Variants in CHL1 observed in about 807,000 individuals in gnomAD.
The protein encoded by CHL1 is cell adhesion molecule L1 like, also known as neural cell adhesion molecule L1-like protein.
A neutral mutation model predicts 141.9 loss-of-function variants in CHL1; 96 were observed. The ratio of observed to expected loss-of-function variants is 0.68; its 90% confidence interval spans 0.57 to 0.80. CHL1 has a LOEUF of 0.80. Among genes scored for constraint, CHL1 ranks in the 30% least tolerant of loss-of-function variants. CHL1 has a pLI of 0.00. For missense variants in CHL1, 1,820 were observed against 1,457.2 expected, an observed-to-expected ratio of 1.25 and a Z score of -4.05; for synonymous variants, 613 against 502.2, an observed-to-expected ratio of 1.22 and a Z score of -2.95.
intron 2 of CHL1, among the ~76,000 whole-genome samples, chr3:316,205 G>T (rs1046498209): frequency 1.3e-5 from 2 of 152,008 alleles, no homozygotes; most frequent in Admixed American, 1.3e-4. Context: ...AACTGCCAGG[G>T]TCTATGTCTG....
chr3:367,074 A>G (rs1400652025), intron 15 of CHL1, among the ~76,000 whole-genome samples: 1 of 152,280 alleles, frequency 6.6e-6, no homozygotes, highest in Non-Finnish European at 1.5e-5. Flanking sequence ...GAGAACATAT[A>G]GAGGAAAGTG....
intron 11 of CHL1, among the ~76,000 whole-genome samples, chr3:358,506 A>G (rs1703918716): frequency 2.0e-5 from 3 of 152,176 alleles, no homozygotes; most frequent in African/African-American, 7.2e-5. Context: ...TGGGACTTAG[A>G]ACGTGTACAT....
chr3:242,575 A>ACG (rs1574835532), intron 1 of CHL1, among the ~76,000 whole-genome samples: 2 of 151,182 alleles, frequency 1.3e-5, no homozygotes, highest in East Asian at 1.9e-4. Flanking sequence ...CAGCCTGGGT[A>ACG]ACAGAGTGGG....
chr3:377,876 A>G lies in CHL1; in HGVS notation c.1810A>G (p.Ile604Val), dbSNP rs767070096. ...ISNVTLEDQG[I>V]YCCSAHTALD... Reference sequence around the variant, plus strand: ...TAATGTAACTTTAGAGGACCAAGGTATTTACTGCTGTTCAGCTCATACTGC... The same window carrying G: ...TAATGTAACTTTAGAGGACCAAGGTGTTTACTGCTGTTCAGCTCATACTGC... Residue 604 changes from isoleucine to valine, a missense_variant, in exon 16 of 28, where the codon ATT becomes GTT. Physicochemically the swap from Ile to Val is conservative, Grantham distance 29 (BLOSUM62 3). Coordinates refer to ENST00000256509, the MANE Select transcript of CHL1 (RefSeq NM_006614.4). The G allele has an allele frequency of 1.2e-6, 2 of 1,612,406 alleles. No individual in the cohort carries two copies. The highest frequency in any genetic ancestry group is 1.7e-6 in the Non-Finnish European group (2 of 1,178,634).
chr3:360,102 T>A (rs185512203), intron 11 of CHL1, among the ~76,000 whole-genome samples, 182 bp from the exon 12 acceptor site: 1 of 152,218 alleles, frequency 6.6e-6, no homozygotes, highest in Non-Finnish European at 1.5e-5. Flanking sequence ...AAAATTCACA[T>A]GGATCTGGAA....
At chr3:400,481 GAAAA>G (rs10711916) in intron 26 of CHL1, among the ~76,000 whole-genome samples, 1 of 150,830 alleles carries the variant, frequency 6.6e-6, no homozygotes, top group Non-Finnish European at 1.5e-5. Context: ...GCCCTAAAAA[GAAAA>G]AAAAAATTAG....
chr3:267,633 A>G (rs1358737216), intron 2 of CHL1, among the ~76,000 whole-genome samples: 1 of 152,134 alleles, frequency 6.6e-6, no homozygotes, highest in Admixed American at 6.6e-5. Context: ...CATTATCTTT[A>G]CCGATTTTAA....
At chr3:237,712 C>G (rs1283343503) in intron 1 of CHL1, among the ~76,000 whole-genome samples, 1 of 152,012 alleles carries the variant, frequency 6.6e-6, no homozygotes, top group African/African-American at 2.4e-5. Flanking sequence ...GTTAGTGGTA[C>G]CCACATTAAA....
chr3:361,117 G>A (rs1704205050), intron 12 of CHL1, among the ~76,000 whole-genome samples: 2 of 151,918 alleles, frequency 1.3e-5, no homozygotes, highest in African/African-American at 4.8e-5. Flanking sequence ...ACAAGCAATG[G>A]GGAAAGGAAT....
rs767456749 is a variant in CHL1, at chr3:382,665, C to G, written c.2170C>G (p.Pro724Ala). 1 of 1,613,302 alleles carries G rather than the reference C, an allele frequency of 6.2e-7. No individual in the cohort carries two copies. The highest frequency in any genetic ancestry group is 8.5e-7 in the Non-Finnish European group (1 of 1,179,472). The change falls in exon 18 of 28, where the codon CCA becomes GCA. Residue 724 changes from proline to alanine, a missense_variant. Transcript: ENST00000256509. ...SQPSDHHETP[P>A]AAPDRNPQNI... ...GCCGTCAGACCATCATGAAACACCACCAGCAGGTATGCAGGTTCTCACATC... is the reference window on the plus strand; with the variant it reads ...GCCGTCAGACCATCATGAAACACCAGCAGCAGGTATGCAGGTTCTCACATC...
chr3:204,566 G>T (rs762328404), intron 1 of CHL1, among the ~76,000 whole-genome samples: 1 of 152,174 alleles, frequency 6.6e-6, no homozygotes, highest in African/African-American at 2.4e-5. Context: ...GATCTGTTGC[G>T]GTTAGAGTTG....
At chr3:368,103 G>GT (rs1239293113) in intron 15 of CHL1, among the ~76,000 whole-genome samples, 1 of 152,112 alleles carries the variant, frequency 6.6e-6, no homozygotes, top group Non-Finnish European at 1.5e-5. Context: ...ATTCTGTTGG[G>GT]TATATACCAA....
intron 2 of CHL1, among the ~76,000 whole-genome samples, chr3:266,878 G>C (rs1695203106): frequency 6.6e-6 from 1 of 152,114 alleles, no homozygotes; most frequent in Non-Finnish European, 1.5e-5. Context: ...ATAAGAGCTG[G>C]AGAGATTTCC....
chr3:343,582 G>GA (rs1702521587), intron 8 of CHL1, among the ~76,000 whole-genome samples: 2 of 152,144 alleles, frequency 1.3e-5, no homozygotes, highest in African/African-American at 2.4e-5. Context: ...GTGTTCTATG[G>GA]AAAATGCCTG....
At chr3:265,336 T>C (rs933859019) in intron 2 of CHL1, among the ~76,000 whole-genome samples, 4 of 152,232 alleles carry the variant, frequency 2.6e-5, no homozygotes, top group Admixed American at 2.6e-4. Flanking sequence ...GTTAAGTGCT[T>C]AGAGTGCACA....
At chr3:361,880 C>A in intron 13 of CHL1, 70 bp downstream of exon 13, 1 of 1,040,066 alleles carries the variant, frequency 9.6e-7, no homozygotes, top group South Asian at 1.3e-5. Flanking sequence ...CTTCATCCGT[C>A]ATTTGACAGG....
chr3:348,839 A>T (rs1702988289), intron 9 of CHL1, among the ~76,000 whole-genome samples: 1 of 152,158 alleles, frequency 6.6e-6, no homozygotes. Flanking sequence ...GGTCTAATCG[A>T]CATGTCCAGC....
rs558047880 is a variant in CHL1 at position 406,896 on chromosome 3, A to T, written c.*1185A>T. ...TTTTCAAAATAGGTTTTTATTGTTG[A>T]ATGTACATCTACCCCAGCCCCTCAA... On this transcript the variant is annotated 3_prime_UTR_variant, in exon 28 of 28. Coordinates refer to ENST00000256509, the MANE Select transcript of CHL1 (RefSeq NM_006614.4). The T allele has an allele frequency of 1.3e-5, 2 of 152,264 alleles. No homozygotes were observed. Among genetic ancestry groups the T allele is most frequent in the South Asian group, 4.1e-4 (2 of 4,828 alleles). The allele number at this position is 152,264 out of a possible 1,614,324, so 9.4% of individuals were successfully genotyped here. A position where few individuals can be genotyped will look rare whatever the true frequency, so the allele number is the denominator to read the frequency against.
intron 19 of CHL1, among the ~76,000 whole-genome samples, chr3:387,190 G>A (rs1477977785): frequency 6.6e-6 from 1 of 152,148 alleles, no homozygotes; most frequent in African/African-American, 2.4e-5. Context: ...CACACAAAAA[G>A]TCATACTAAC....
Sources: allele counts gnomAD v4.1 joint callset (sites outside exome capture counted in the v4.1 genomes callset), GRCh38; gene constraint gnomAD v4.1.1; transcripts MANE v1.5; gene names NCBI Gene and HGNC (gene_info 2026-07-23, HGNC 2026-07-21).